Variants in CNTNAP5 observed in about 807,000 individuals in gnomAD.
CNTNAP5 encodes the protein contactin associated protein family member 5, also known as contactin-associated protein-like 5.
Under a neutral mutation model 150.2 loss-of-function variants are expected in CNTNAP5, and 72 were observed. The observed-to-expected ratio is 0.48, with a 90% confidence interval of 0.40 to 0.58. The LOEUF is 0.58. Ranked by LOEUF, CNTNAP5 falls within the 20% of genes least tolerant of loss-of-function variation. The pLI is 0.00. For missense variants in CNTNAP5, 1,636 were observed against 1,626.2 expected (o/e 1.01, Z -0.10); for synonymous variants, 672 against 619.8 (o/e 1.08, Z -1.25).
intron 3 of CNTNAP5, among the ~76,000 whole-genome samples, chr2:124,371,605 T>G (rs940523281): frequency 1.3e-5 from 2 of 152,112 alleles, no homozygotes; most frequent in Non-Finnish European, 2.9e-5. Flanking sequence ...ACATGGCACT[T>G]CCTAAATTTT....
At chr2:124,806,437 T>C (rs1682081624) in intron 19 of CNTNAP5, among the ~76,000 whole-genome samples, 1 of 152,198 alleles carries the variant, frequency 6.6e-6, no homozygotes, top group Non-Finnish European at 1.5e-5. Flanking sequence ...TTTGAGATTC[T>C]GTCCTGCCAC....
intron 13 of CNTNAP5, among the ~76,000 whole-genome samples, chr2:124,727,984 A>T (rs562598112): frequency 2.0e-5 from 3 of 152,084 alleles, no homozygotes; most frequent in Non-Finnish European, 4.4e-5. Flanking sequence ...CATTCCTTCT[A>T]CTTAATTTGT....
At chr2:124,599,306 T>A (rs980960274) in intron 11 of CNTNAP5, among the ~76,000 whole-genome samples, 1 of 152,226 alleles carries the variant, frequency 6.6e-6, no homozygotes, top group Non-Finnish European at 1.5e-5. Flanking sequence ...GTTTTTCTAC[T>A]GATTTGAGTT....
intron 3 of CNTNAP5, among the ~76,000 whole-genome samples, chr2:124,271,987 T>G (rs928927388): frequency 1.3e-5 from 2 of 152,192 alleles, no homozygotes; most frequent in African/African-American, 4.8e-5. Flanking sequence ...AGTGCTGGGA[T>G]TACAGGCGGG....
rs1396889069 is a variant in CNTNAP5 at position 124,249,294 on chromosome 2, CCA to C, written c.381+6904_381+6905del. On this transcript the variant is annotated intron_variant, in intron 3 of 23. Transcript: ENST00000682447. Reference sequence around the variant, plus strand: ...CTCTGCCGTCTCTTGTGGGGAAAATCCACATTCTATAAAAAATCTCCTTTCCC... The same window carrying C: ...CTCTGCCGTCTCTTGTGGGGAAAATCCATTCTATAAAAAATCTCCTTTCCC... 3.3e-5 allele frequency among the ~76,000 whole-genome samples: 5 copies of C among 152,320 alleles called. No homozygotes were observed. In the East Asian group the frequency reaches 9.7e-4, roughly 29 times the overall value.
chr2:124,399,030 G>A (rs1691337626), intron 3 of CNTNAP5, among the ~76,000 whole-genome samples: 1 of 152,180 alleles, frequency 6.6e-6, no homozygotes, highest in African/African-American at 2.4e-5. Context: ...AACTTGGCAA[G>A]AGAAATTAAT....
intron 8 of CNTNAP5, among the ~76,000 whole-genome samples, chr2:124,514,802 A>G (rs771116155): frequency 2.6e-5 from 4 of 152,158 alleles, no homozygotes; most frequent in Non-Finnish European, 4.4e-5. Context: ...TAGAACGAGA[A>G]CCAGAGGTGT....
chr2:124,145,843 A>T (rs868370455), intron 1 of CNTNAP5, among the ~76,000 whole-genome samples: 7 of 143,706 alleles, frequency 4.9e-5, no homozygotes, highest in African/African-American at 1.5e-4. Flanking sequence ...AAAAAAAAAA[A>T]AAATAAAATA....
chr2:124,628,238 A>G (rs563849291), intron 12 of CNTNAP5, among the ~76,000 whole-genome samples: 1 of 151,676 alleles, frequency 6.6e-6, no homozygotes, highest in South Asian at 2.1e-4. Flanking sequence ...AATCTATGAA[A>G]AGATCTACCC....
chr2:124,066,873 C>G (rs1682174316), intron 1 of CNTNAP5, among the ~76,000 whole-genome samples: 1 of 152,108 alleles, frequency 6.6e-6, no homozygotes, highest in African/African-American at 2.4e-5. Flanking sequence ...AGCTCCATGT[C>G]AGTATGTTTG....
chr2:124,837,216 G>C (rs1682848245), intron 19 of CNTNAP5, among the ~76,000 whole-genome samples: 1 of 151,592 alleles, frequency 6.6e-6, no homozygotes, highest in African/African-American at 2.4e-5. Context: ...ATTTTAGAAA[G>C]TTACTTACCT....
intron 1 of CNTNAP5, among the ~76,000 whole-genome samples, chr2:124,112,529 C>G (rs1463952214): frequency 6.6e-6 from 1 of 152,168 alleles, no homozygotes; most frequent in African/African-American, 2.4e-5. Flanking sequence ...ATCAACTGAG[C>G]TCTCATGTTG....
At chr2:124,195,115 C>T (rs369959541) in intron 1 of CNTNAP5, among the ~76,000 whole-genome samples, 2 of 152,002 alleles carry the variant, frequency 1.3e-5, no homozygotes, top group South Asian at 4.2e-4. Flanking sequence ...GTCAAGAATG[C>T]ACGTTTGAGC....
At chr2:124,326,106 C>A (rs985332687) in intron 3 of CNTNAP5, among the ~76,000 whole-genome samples, 1 of 152,128 alleles carries the variant, frequency 6.6e-6, no homozygotes, top group African/African-American at 2.4e-5. Flanking sequence ...TGGAGTGCAG[C>A]CACGGGAGAC....
At chr2:124,058,417 C>A (rs1681914068) in intron 1 of CNTNAP5, among the ~76,000 whole-genome samples, 1 of 152,084 alleles carries the variant, frequency 6.6e-6, no homozygotes, top group East Asian at 1.9e-4. Flanking sequence ...TCACCTATCA[C>A]ACTTGTTTAT....
At chr2:124,475,415 T>C (rs1693617269) in intron 7 of CNTNAP5, among the ~76,000 whole-genome samples, 1 of 152,134 alleles carries the variant, frequency 6.6e-6, no homozygotes, top group African/African-American at 2.4e-5. Flanking sequence ...GGGTCAGGAC[T>C]GTGTTTTCTT....
chr2:124,067,704 C>T (rs1056485260), intron 1 of CNTNAP5, among the ~76,000 whole-genome samples: 1 of 152,012 alleles, frequency 6.6e-6, no homozygotes, highest in Non-Finnish European at 1.5e-5. Context: ...ACTTTTTAAT[C>T]GTTGTGTTTT....
At chr2:124,639,607 A>T (rs2105018206) in intron 12 of CNTNAP5, among the ~76,000 whole-genome samples, 1 of 147,876 alleles carries the variant, frequency 6.8e-6, no homozygotes, top group Non-Finnish European at 1.5e-5. Context: ...TAGATCTTAT[A>T]AACAGAGGGA....
chr2:124,382,271 G>A (rs936297285), intron 3 of CNTNAP5, among the ~76,000 whole-genome samples: 1 of 152,164 alleles, frequency 6.6e-6, no homozygotes, highest in Admixed American at 6.5e-5. Context: ...GGCACAGAGA[G>A]AGGTGGCTTT....
Sources: allele counts gnomAD v4.1 joint callset (sites outside exome capture counted in the v4.1 genomes callset), GRCh38; gene constraint gnomAD v4.1.1; transcripts MANE v1.5; gene names NCBI Gene and HGNC (gene_info 2026-07-23, HGNC 2026-07-21).